PTPRE: variants seen among roughly 807,000 people sequenced by gnomAD.
The protein encoded by PTPRE is receptor-type tyrosine-protein phosphatase epsilon.
In PTPRE, 51 loss-of-function variants were observed where a neutral mutation model predicts 102.0. The ratio of observed to expected loss-of-function variants is 0.50; its 90% CI spans 0.40 to 0.63. PTPRE has a LOEUF of 0.63. Ranked by LOEUF, PTPRE falls within the 30% of genes least tolerant of loss-of-function variation. The pLI, the probability that PTPRE is intolerant of heterozygous loss-of-function variation, is 0.00. For synonymous variants in PTPRE, 345 were observed against 348.2 expected (o/e 0.99, Z 0.10); for missense variants, 752 against 915.1 (o/e 0.82, Z 2.30).
intron 2 of PTPRE, among the ~76,000 whole-genome samples, chr10:128,026,371 T>G (rs1485236550): frequency 6.6e-6 from 1 of 152,196 alleles, no homozygotes; most frequent in Admixed American, 6.5e-5. Flanking sequence ...ATTTATCCCT[T>G]CCTCCTTTCC....
chr10:128,043,431 T>G (rs1260884904), intron 3 of PTPRE, among the ~76,000 whole-genome samples: 3 of 152,196 alleles, frequency 2.0e-5, no homozygotes, highest in South Asian at 4.1e-4. Flanking sequence ...GCTGCTGATC[T>G]GACGGGGGGC....
chr10:127,964,542 TTA>T (rs1368914997), intron 1 of PTPRE, among the ~76,000 whole-genome samples: 1 of 150,686 alleles, frequency 6.6e-6, no homozygotes, highest in Non-Finnish European at 1.5e-5. Flanking sequence ...TCCTTAAGAA[TTA>T]ATGAAGTTCT....
At chr10:127,925,442 A>G (rs2135202612) in intron 1 of PTPRE, among the ~76,000 whole-genome samples, 1 of 152,292 alleles carries the variant, frequency 6.6e-6, no homozygotes, top group East Asian at 1.9e-4. Context: ...GCTCCTGGCA[A>G]TATCCCGGAT....
At chr10:127,931,334 G>A (rs1207115146) in intron 1 of PTPRE, among the ~76,000 whole-genome samples, 1 of 152,132 alleles carries the variant, frequency 6.6e-6, no homozygotes, top group African/African-American at 2.4e-5. Flanking sequence ...TTATTCTGAT[G>A]ATATTTCCCT....
chr10:127,982,180 G>A, intron 1 of PTPRE, 94 bp from the exon 2 acceptor site: 1 of 729,638 alleles, frequency 1.4e-6, no homozygotes, highest in Non-Finnish European at 1.9e-6. Context: ...AAATGGGATA[G>A]TCGACTAGTG....
chr10:128,002,646 A>G (rs1854051264), intron 2 of PTPRE, among the ~76,000 whole-genome samples: 1 of 143,208 alleles, frequency 7.0e-6, no homozygotes, highest in African/African-American at 2.6e-5. Flanking sequence ...GAATGATGCA[A>G]TGTCAATTGT....
At position 128,066,939 on chromosome 10, in the gene PTPRE, CATGCACAT is replaced by C. The variant is rs112691804; in HGVS notation, c.843+747_843+754del. 8.7e-3 allele frequency among the ~76,000 whole-genome samples: 1,317 copies of C among 151,226 alleles called. 12 individuals carry two copies. Among genetic ancestry groups the C allele is most frequent in the African/African-American group, 0.021 (855 of 41,232 alleles). Reference sequence around the variant, plus strand: ...CCACACACAGGCACACACATGCACACATGCACATACACCCACACACAGGCATACACATG... The same window carrying C: ...CCACACACAGGCACACACATGCACACACACCCACACACAGGCATACACATG... On this transcript the variant is annotated intron_variant, in intron 11 of 20. Transcript: ENST00000254667.
chr10:127,935,572 G>A (rs1847790091), intron 1 of PTPRE, among the ~76,000 whole-genome samples: 1 of 152,038 alleles, frequency 6.6e-6, no homozygotes, highest in African/African-American at 2.4e-5. Context: ...TTCTTCCCGC[G>A]GGGACCCTTT....
intron 2 of PTPRE, among the ~76,000 whole-genome samples, chr10:128,036,820 C>A (rs1242997625): frequency 6.6e-6 from 1 of 152,224 alleles, no homozygotes; most frequent in East Asian, 1.9e-4. Context: ...AGAGGAACCA[C>A]CGAGGAATCT....
chr10:128,056,056 G>T, intron 6 of PTPRE, 67 bp from the exon 7 acceptor site: 1 of 1,272,318 alleles, frequency 7.9e-7, no homozygotes. Context: ...GTGCTCAGTA[G>T]GGAAACTGAC....
chr10:127,955,319 TAC>T (rs1849324052), intron 1 of PTPRE, among the ~76,000 whole-genome samples: 2 of 151,958 alleles, frequency 1.3e-5, no homozygotes, highest in African/African-American at 4.8e-5. Flanking sequence ...CATACATACA[TAC>T]ATATATACAT....
intron 1 of PTPRE, among the ~76,000 whole-genome samples, chr10:127,925,433 C>T (rs1846931295): frequency 6.6e-6 from 1 of 152,154 alleles, no homozygotes. Context: ...TTAGTTGTGG[C>T]TCCTGGCAAT....
At chr10:127,932,783 G>A (rs771102425) in intron 1 of PTPRE, among the ~76,000 whole-genome samples, 6 of 146,114 alleles carry the variant, frequency 4.1e-5, no homozygotes, top group Non-Finnish European at 7.5e-5. Context: ...CTCACTTGAC[G>A]AAGTTGACGG....
chr10:128,034,039 A>G (rs534617414), intron 2 of PTPRE, among the ~76,000 whole-genome samples: 16 of 152,256 alleles, frequency 1.1e-4, no homozygotes, highest in Non-Finnish European at 2.2e-4. Context: ...ATGTACACAG[A>G]GTAACTAAAC....
At position 128,066,111 on chromosome 10, in the gene PTPRE, T is replaced by C. The variant is rs1850065340; in HGVS notation, c.760T>C (p.Trp254Arg). Reference sequence around the variant, plus strand: ...TCAGTACTGGCCCGACCAAGGCTGCTGGACCTATGGAAACATCCGGGTGTG... The same window carrying C: ...TCAGTACTGGCCCGACCAAGGCTGCCGGACCTATGGAAACATCCGGGTGTG... ...CHQYWPDQGC[W>R]TYGNIRVCVE... The change falls in exon 11 of 21, where the codon TGG (tryptophan) becomes CGG (arginine). Residue 254 changes from tryptophan to arginine, a missense_variant. Coordinates refer to ENST00000254667, the MANE Select transcript of PTPRE (RefSeq NM_006504.6). The C allele has an allele frequency of 6.2e-7, 1 of 1,614,218 alleles. No homozygotes were observed. Among genetic ancestry groups the C allele is most frequent in the Non-Finnish European group, 8.5e-7 (1 of 1,180,036 alleles).
chr10:127,940,199 G>T (rs1364308557), intron 1 of PTPRE, among the ~76,000 whole-genome samples: 4 of 152,026 alleles, frequency 2.6e-5, no homozygotes, highest in Non-Finnish European at 5.9e-5. Context: ...TGAGGTTCTT[G>T]CCCATCCTAT....
chr10:128,031,183 G>A (rs1356047660), intron 2 of PTPRE, among the ~76,000 whole-genome samples: 2 of 152,222 alleles, frequency 1.3e-5, no homozygotes, highest in African/African-American at 2.4e-5. Flanking sequence ...GGCAGCTGAT[G>A]GATTTCTTTG....
intron 2 of PTPRE, among the ~76,000 whole-genome samples, chr10:128,009,920 C>G (rs975962851): frequency 3.3e-5 from 5 of 152,190 alleles, no homozygotes; most frequent in Admixed American, 1.3e-4. Context: ...CCGTCCAAGC[C>G]CTGACCCTTA....
At chr10:127,951,190 C>G (rs541852501) in intron 1 of PTPRE, among the ~76,000 whole-genome samples, 5 of 152,160 alleles carry the variant, frequency 3.3e-5, no homozygotes, top group Non-Finnish European at 5.9e-5. Flanking sequence ...AAGTCCAACT[C>G]AAATCATAAA....
Sources: gnomAD v4.1 joint callset for allele counts (sites outside exome capture counted in the v4.1 genomes callset) on GRCh38, gnomAD v4.1.1 for gene constraint, MANE v1.5 for transcripts, NCBI Gene and HGNC (gene_info 2026-07-23, HGNC 2026-07-21) for gene names.